Variants in AKAP6 observed in about 807,000 individuals in gnomAD.
The protein encoded by AKAP6 is A-kinase anchor protein 6.
Under a neutral mutation model 188.5 loss-of-function variants are expected in AKAP6, and 58 were observed. The observed-to-expected ratio is 0.31, with a 90% CI of 0.25 to 0.38. The LOEUF (loss-of-function observed/expected upper bound fraction) is 0.38, where lower values mean the gene tolerates loss of function less well. AKAP6 is among the 10% of genes least tolerant of loss of function. The pLI, the probability that AKAP6 is intolerant of heterozygous loss-of-function variation, is 1.00. For synonymous variants in AKAP6, 989 were observed against 998.6 expected, an observed-to-expected ratio of 0.99 and a Z score of 0.18; for missense variants, 2,710 against 2,740.0, an observed-to-expected ratio of 0.99 and a Z score of 0.24.
intron 2 of AKAP6, among the ~76,000 whole-genome samples, chr14:32,457,716 A>G (rs1304248980): frequency 6.6e-6 from 1 of 152,170 alleles, no homozygotes. Context: ...TCCAGACCAC[A>G]TGCTTTTCAT....
rs138514219 is a variant in AKAP6, at chr14:32,472,734, T to G, written c.324+38917T>G. Among the ~76,000 whole-genome samples, 656 of 152,292 alleles carry G rather than the reference T, an allele frequency of 4.3e-3. 2 individuals carry two copies. The highest frequency in any genetic ancestry group is 6.2e-3 in the Non-Finnish European group (425 of 68,012). ...TGTGCTCTGGCTGAATTTAGTTCCC[T>G]CTTATGTCAGCTTGCAATTCTATGT... On this transcript the variant is annotated intron_variant, in intron 2 of 13. Transcript: ENST00000280979.
At chr14:32,576,973 C>A in intron 4 of AKAP6, 147 bp from the exon 5 acceptor site, 1 of 870,074 alleles carries the variant, frequency 1.1e-6, no homozygotes. Context: ...AATTCCATTA[C>A]AGCAAAGATG....
At chr14:32,602,913 T>A (rs1566599452) in intron 7 of AKAP6, among the ~76,000 whole-genome samples, 1 of 152,148 alleles carries the variant, frequency 6.6e-6, no homozygotes. Flanking sequence ...GGGCCAAGTG[T>A]GGGACCAGGC....
At chr14:32,569,422 T>C (rs1048067167) in intron 4 of AKAP6, among the ~76,000 whole-genome samples, 10 of 152,236 alleles carry the variant, frequency 6.6e-5, no homozygotes, top group African/African-American at 2.4e-4. Context: ...CTTCTGTCAA[T>C]TACTCGTACT....
chr14:32,596,826 T>TGGGAAAAGGTGGGG (rs1566596100), intron 5 of AKAP6, among the ~76,000 whole-genome samples: 1 of 152,178 alleles, frequency 6.6e-6, no homozygotes, highest in Non-Finnish European at 1.5e-5. Context: ...TTCCTTCCCT[T>TGGGAAAAGGTGGGG]GGGAAAAGGT....
At chr14:32,498,977 A>G (rs1468195885) in intron 2 of AKAP6, among the ~76,000 whole-genome samples, 6 of 151,894 alleles carry the variant, frequency 4.0e-5, no homozygotes, top group Non-Finnish European at 7.4e-5. Context: ...TTTTACTGGA[A>G]CCCTTCCTTT....
At chr14:32,792,552 T>A (rs2033641916) in intron 12 of AKAP6, among the ~76,000 whole-genome samples, 1 of 152,182 alleles carries the variant, frequency 6.6e-6, no homozygotes. Flanking sequence ...TATACAGTCA[T>A]GCCATCTGCA....
intron 2 of AKAP6, among the ~76,000 whole-genome samples, chr14:32,533,757 T>C (rs1412408637): frequency 2.6e-5 from 4 of 152,160 alleles, no homozygotes; most frequent in Admixed American, 2.6e-4. Context: ...ATGTGGAATA[T>C]CTGATGATAG....
intron 1 of AKAP6, among the ~76,000 whole-genome samples, chr14:32,343,791 A>G (rs1349335379): frequency 6.7e-6 from 1 of 148,880 alleles, no homozygotes; most frequent in Non-Finnish European, 1.5e-5. Context: ...GAACAACTGT[A>G]TCAACTGTAA....
chr14:32,617,013 TG>T (rs1886609202), intron 7 of AKAP6: 1 of 152,228 alleles, frequency 6.6e-6, no homozygotes, highest in Non-Finnish European at 1.5e-5. Context: ...ACAGGTACCA[TG>T]GGACATAGTA....
In AKAP6 at chr14:32,600,682, CA is replaced by C; in HGVS notation, c.2623del (p.Ile875SerfsTer101). The C allele has an allele frequency of 1.2e-6, 2 of 1,613,464 alleles. No individual in the cohort carries two copies. The highest frequency in any genetic ancestry group is 1.7e-6 in the Non-Finnish European group (2 of 1,179,758). On this transcript the variant is annotated frameshift_variant, in exon 7 of 14. Coordinates refer to ENST00000280979, the MANE Select transcript of AKAP6 (RefSeq NM_004274.5). LOFTEE classifies it high-confidence loss of function. ...IASQWKELQRQIKRQHSWILR... is the reference protein window; with the variant it reads ...IASQWKELQRXIKRQHSWILR... Reference sequence around the variant, plus strand: ...AAGTCAATGGAAGGAGCTGCAGAGGCAAATCAAACGGCAGCACAGCTGGATT... The same window carrying C: ...AAGTCAATGGAAGGAGCTGCAGAGGCAATCAAACGGCAGCACAGCTGGATT...
At chr14:32,497,103 T>C (rs139986902) in intron 2 of AKAP6, among the ~76,000 whole-genome samples, 202 of 152,280 alleles carry the variant, frequency 1.3e-3, no homozygotes, top group African/African-American at 4.6e-3. Context: ...GGGGGTTATC[T>C]TTGAGAAAGT....
At chr14:32,797,743 A>G (rs2033814742) in intron 12 of AKAP6, among the ~76,000 whole-genome samples, 1 of 152,078 alleles carries the variant, frequency 6.6e-6, no homozygotes. Flanking sequence ...TATGTAGCAA[A>G]CCTGCACATC....
chr14:32,758,564 T>G lies in AKAP6; in HGVS notation c.3373-15114T>G, dbSNP rs996766354. On this transcript the variant is annotated intron_variant, in intron 11 of 13. Coordinates refer to ENST00000280979, the MANE Select transcript of AKAP6 (RefSeq NM_004274.5). ...GCCTGACCAACATGGAGAAACCCCA[T>G]CTCTACTAAAAATACAAAATTATCC... 3.3e-5 allele frequency among the ~76,000 whole-genome samples: 5 copies of G among 152,124 alleles called. No homozygotes were observed. The East Asian group carries it at 9.7e-4, about 29-fold the overall frequency.
chr14:32,743,762 AT>A (rs977425861), intron 11 of AKAP6, among the ~76,000 whole-genome samples: 2 of 151,938 alleles, frequency 1.3e-5, no homozygotes, highest in Admixed American at 6.6e-5. Context: ...TGTAGTTATT[AT>A]TTTTTTTTGG....
intron 1 of AKAP6, among the ~76,000 whole-genome samples, chr14:32,430,106 A>G (rs957537529): frequency 6.6e-6 from 1 of 152,250 alleles, no homozygotes; most frequent in Non-Finnish European, 1.5e-5. Context: ...AGTAGGACAC[A>G]TCTATCAATA....
At chr14:32,396,268 C>T (rs969435098) in intron 1 of AKAP6, among the ~76,000 whole-genome samples, 1 of 152,134 alleles carries the variant, frequency 6.6e-6, no homozygotes, top group African/African-American at 2.4e-5. Context: ...GGCTTGCCAG[C>T]CTCATGGTGT....
intron 2 of AKAP6, among the ~76,000 whole-genome samples, chr14:32,497,890 T>C (rs1199322109): frequency 2.0e-5 from 3 of 152,104 alleles, no homozygotes; most frequent in Non-Finnish European, 1.5e-5. Context: ...TATAAAATGA[T>C]CCTTTTTATC....
intron 2 of AKAP6, among the ~76,000 whole-genome samples, chr14:32,434,240 A>G (rs765362761): frequency 3.3e-5 from 5 of 152,220 alleles, no homozygotes; most frequent in Non-Finnish European, 5.9e-5. Flanking sequence ...GTGGCAAACA[A>G]TGAATTCTGA....
Sources: allele counts gnomAD v4.1 joint callset (sites outside exome capture counted in the v4.1 genomes callset), GRCh38; gene constraint gnomAD v4.1.1; transcripts MANE v1.5; gene names NCBI Gene and HGNC (gene_info 2026-07-23, HGNC 2026-07-21).